The following PRDM5 variants were observed in gnomAD, a reference collection of about 807,000 sequenced individuals.
PRDM5 encodes the protein PR/SET domain 5, also known as PR domain zinc finger protein 5.
Under a neutral mutation model 81.2 loss-of-function variants are expected in PRDM5, and 56 were observed. The observed-to-expected ratio is 0.69, with a 90% CI of 0.56 to 0.86. The LOEUF (loss-of-function observed/expected upper bound fraction) is 0.86, where lower values mean the gene tolerates loss of function less well. Among genes scored for constraint, PRDM5 ranks in the 40% least tolerant of loss-of-function variants. The pLI is 0.00. For synonymous variants in PRDM5, 267 were observed against 256.4 expected (o/e 1.04, Z -0.39); for missense variants, 697 against 770.1 (o/e 0.91, Z 1.12).
intron 10 of PRDM5, among the ~76,000 whole-genome samples, chr4:120,794,514 A>AAC (rs70948364): frequency 0.021 from 2,969 of 143,624 alleles, 39 homozygotes; most frequent in African/African-American, 0.04. Flanking sequence ...TCCAAAATCT[A>AAC]ACACACACAC....
intron 1 of PRDM5, among the ~76,000 whole-genome samples, chr4:120,913,897 G>C (rs189329863): frequency 1.3e-5 from 2 of 152,180 alleles, no homozygotes; most frequent in African/African-American, 4.8e-5. Flanking sequence ...CCAGAAAGCT[G>C]ACTGACAGGG....
chr4:120,748,164 G>A (rs1476248270), intron 14 of PRDM5, among the ~76,000 whole-genome samples: 4 of 152,192 alleles, frequency 2.6e-5, no homozygotes, highest in Non-Finnish European at 5.9e-5. Context: ...GACACAAAGA[G>A]TTCAGCAACT....
intron 1 of PRDM5, among the ~76,000 whole-genome samples, chr4:120,914,636 G>A (rs1355802233): frequency 1.3e-5 from 2 of 152,162 alleles, no homozygotes; most frequent in Admixed American, 1.3e-4. Context: ...AGGGCTGCAG[G>A]ATGGAGTGAG....
At chr4:120,685,915 T>C (rs1733817195) in intron 1 of PRDM5, among the ~76,000 whole-genome samples, 1 of 151,980 alleles carries the variant, frequency 6.6e-6, no homozygotes, top group East Asian at 1.9e-4. Flanking sequence ...GGAGGTGGAG[T>C]CCTGTGGGAG....
chr4:120,903,073 C>T (rs1220902035), intron 2 of PRDM5, among the ~76,000 whole-genome samples: 2 of 152,216 alleles, frequency 1.3e-5, no homozygotes. Flanking sequence ...AGGAGTTATG[C>T]CACATGCTCT....
intron 14 of PRDM5, among the ~76,000 whole-genome samples, chr4:120,734,447 C>G (rs929635954): frequency 6.6e-6 from 1 of 151,426 alleles, no homozygotes; most frequent in Admixed American, 6.6e-5. Context: ...CACACACACA[C>G]CCTTACTCAC....
chr4:120,714,503 A>C (rs1737468803), intron 14 of PRDM5, among the ~76,000 whole-genome samples: 1 of 152,132 alleles, frequency 6.6e-6, no homozygotes, highest in South Asian at 2.1e-4. Context: ...CTTATTTCCC[A>C]ATTCCATTTT....
Position 120,798,332 on chromosome 4 carries a change from G to T in PRDM5, c.1123C>A (p.Pro375Thr). ...AHKVIHSEDK[P>T]YKCKLCGKGF... is the part of the protein sequence containing the mutation. The stretch of plus-strand genomic sequence containing the variant: ...TTTCCACAAAGTTTGCATTTGTAAG[G>T]TTTGTCTTCGCTGTGTATTACTTTG... Residue 375 changes from proline to threonine, a missense_variant, in exon 10 of 16, where the codon CCT becomes ACT. By Grantham distance (38) the Pro-to-Thr change is conservative. Around this residue, in one of 3 missense-constraint regions of PRDM5, gnomAD observed 577 missense variants for 606.7 expected, o/e 0.95. Coordinates refer to ENST00000264808, the MANE Select transcript of PRDM5 (RefSeq NM_018699.4). 1.2e-6 allele frequency: 2 copies of T among 1,612,736 alleles called. No homozygotes were observed. Among genetic ancestry groups the T allele is most frequent in the Non-Finnish European group, 1.7e-6 (2 of 1,179,342 alleles).
chr4:120,833,987 G>C (rs557093378), intron 3 of PRDM5, among the ~76,000 whole-genome samples: 1 of 152,242 alleles, frequency 6.6e-6, no homozygotes, highest in Admixed American at 6.5e-5. Context: ...TTAGCAAAGT[G>C]AAAGCACTAA....
chr4:120,859,457 TCAAA>T (rs1760310873), intron 2 of PRDM5, among the ~76,000 whole-genome samples: 1 of 152,128 alleles, frequency 6.6e-6, no homozygotes, highest in Admixed American at 6.5e-5. Context: ...ATTCTTGGGC[TCAAA>T]CAATCCTCCT....
chr4:120,684,620 T>C (rs555302478), downstream of PRDM5, among the ~76,000 whole-genome samples: 22 of 152,124 alleles, frequency 1.4e-4, no homozygotes, highest in African/African-American at 5.1e-4. Context: ...ATTAATGCTC[T>C]CCTTTTGGGG....
chr4:120,750,720 G>A lies in PRDM5; in HGVS notation c.1623+3833C>T, dbSNP rs376625097. On this transcript the variant is annotated intron_variant, in intron 14 of 15. Coordinates refer to ENST00000264808, the MANE Select transcript of PRDM5 (RefSeq NM_018699.4). ...CACACACACACACACACACACACAC[G>A]CGCACACAAAACAGACATTCAATCA... 1.7e-3 allele frequency among the ~76,000 whole-genome samples: 216 copies of A among 128,478 alleles called. 1 individual carries two copies. Among genetic ancestry groups the A allele is most frequent in the Middle Eastern group, 8.1e-3 (2 of 248 alleles). The allele number at this position is 128,478 out of a possible 152,430, so 84.3% of individuals were successfully genotyped here.
chr4:120,901,999 G>C (rs1209886449), intron 2 of PRDM5, among the ~76,000 whole-genome samples: 1 of 152,178 alleles, frequency 6.6e-6, no homozygotes, highest in Non-Finnish European at 1.5e-5. Context: ...CAGTTGTAAA[G>C]TTCAAGAATG....
chr4:120,887,437 TG>T (rs1763561649), intron 2 of PRDM5, among the ~76,000 whole-genome samples: 1 of 152,180 alleles, frequency 6.6e-6, no homozygotes, highest in South Asian at 2.1e-4. Context: ...CCTCTCTACC[TG>T]TTCTCCACGA....
At chr4:120,834,319 G>A (rs1425763807) in intron 3 of PRDM5, among the ~76,000 whole-genome samples, 2 of 152,154 alleles carry the variant, frequency 1.3e-5, no homozygotes, top group Admixed American at 1.3e-4. Context: ...ATTAGGTCAT[G>A]AGGATGGATC....
At chr4:120,867,368 A>T (rs928536440) in intron 2 of PRDM5, among the ~76,000 whole-genome samples, 2 of 152,218 alleles carry the variant, frequency 1.3e-5, no homozygotes, top group African/African-American at 4.8e-5. Flanking sequence ...ATAAAATTTT[A>T]AAAAACCAAA....
intron 2 of PRDM5, among the ~76,000 whole-genome samples, chr4:120,892,647 G>C (rs929977705): frequency 1.3e-5 from 2 of 152,198 alleles, no homozygotes; most frequent in African/African-American, 4.8e-5. Flanking sequence ...AGGACCACTG[G>C]GCCGGAAGTT....
intron 2 of PRDM5, among the ~76,000 whole-genome samples, chr4:120,889,360 A>G (rs893848078): frequency 6.6e-6 from 1 of 152,146 alleles, no homozygotes; most frequent in Non-Finnish European, 1.5e-5. Context: ...ATTTTTGTCG[A>G]CAACAGTTTC....
intron 8 of PRDM5, among the ~76,000 whole-genome samples, chr4:120,810,987 A>T (rs1003064026): frequency 1.3e-5 from 2 of 152,150 alleles, no homozygotes; most frequent in African/African-American, 4.8e-5. Context: ...CATTTTACAA[A>T]CCATAACAAA....
Sources: gnomAD v4.1 joint callset for allele counts (sites outside exome capture counted in the v4.1 genomes callset) on GRCh38, gnomAD v4.1.1 for gene constraint, gnomAD v4.1.1 regional missense constraint, MANE v1.5 for transcripts, NCBI Gene and HGNC (gene_info 2026-07-23, HGNC 2026-07-21) for gene names.